Variants in GPT2 observed in about 807,000 individuals in gnomAD.
GPT2 encodes the protein alanine aminotransferase 2.
Under a neutral mutation model 56.9 loss-of-function variants are expected in GPT2, and 30 were observed. That is an observed-to-expected ratio of 0.53 (90% CI 0.39 to 0.72). The LOEUF (loss-of-function observed/expected upper bound fraction) is 0.72, where lower values mean the gene tolerates loss of function less well. Ranked by LOEUF, GPT2 falls within the 30% of genes least tolerant of loss-of-function variation. The pLI, the probability that GPT2 is intolerant of heterozygous loss-of-function variation, is 0.00. For missense variants in GPT2, 542 were observed against 703.4 expected (o/e 0.77, Z 2.60); for synonymous variants, 271 against 283.1 (o/e 0.96, Z 0.43).
rs1465796687 is a variant in GPT2 at position 46,916,574 on chromosome 16, G to A, written c.821-54G>A. ...ATTCTGGATGGGCTTCTGACCTGGG[G>A]ACAATTTAAACAGCATTACAACCGA... On this transcript the variant is annotated intron_variant, in intron 6 of 11. Transcript: ENST00000340124. 4 of 1,356,580 alleles carry A rather than the reference G, an allele frequency of 2.9e-6. No individual in the cohort carries two copies. In the Admixed American group the frequency reaches 6.7e-5, roughly 23 times the overall value. The allele number at this position is 1,356,580 out of a possible 1,614,324, so 84.0% of individuals were successfully genotyped here.
At chr16:46,892,799 T>C (rs1437159731) in intron 2 of GPT2, among the ~76,000 whole-genome samples, 1 of 152,202 alleles carries the variant, frequency 6.6e-6, no homozygotes, top group African/African-American at 2.4e-5. Flanking sequence ...ATGAATTCCT[T>C]ATTTGCATAT....
chr16:46,911,579 T>C (rs924638566), intron 6 of GPT2, among the ~76,000 whole-genome samples: 4 of 152,198 alleles, frequency 2.6e-5, no homozygotes, highest in East Asian at 1.9e-4. Context: ...CTTTGAAAAA[T>C]GTCAAAATTG....
chr16:46,887,221 C>T (rs1382046410), intron 2 of GPT2, among the ~76,000 whole-genome samples: 4 of 152,158 alleles, frequency 2.6e-5, no homozygotes, highest in African/African-American at 7.2e-5. Flanking sequence ...GTAATCTCAG[C>T]ACTTTGGGAA....
At chr16:46,918,840 C>T (rs867614631) in intron 8 of GPT2, 83 bp downstream of exon 8, 1 of 1,532,314 alleles carries the variant, frequency 6.5e-7, no homozygotes, top group Non-Finnish European at 8.9e-7. Context: ...CCCCGTGGTC[C>T]ACCCACTTGG....
intron 2 of GPT2, among the ~76,000 whole-genome samples, chr16:46,889,322 G>A (rs575537450): frequency 7.1e-6 from 1 of 141,344 alleles, no homozygotes; most frequent in African/African-American, 2.6e-5. Context: ...CAGTGGTGCA[G>A]TTATAGCTCA....
chr16:46,900,704 CA>C lies in GPT2; in HGVS notation c.359del (p.Asn120ThrfsTer64), dbSNP rs770431761. ...LRQVMALCTY[P>X]NLLDSPSFPE... is the part of the protein sequence containing the mutation. The stretch of plus-strand genomic sequence containing the variant: ...CAGGTGATGGCACTATGCACCTACC[CA>C]AACCTGCTGGACAGCCCCAGCTTCC... On this transcript the variant is annotated frameshift_variant, in exon 4 of 12. Transcript: ENST00000340124. LOFTEE classifies it high-confidence loss of function. 2 of 1,614,016 alleles carry C rather than the reference CA, an allele frequency of 1.2e-6. No homozygotes were observed. The highest frequency in any genetic ancestry group is 2.2e-5 in the South Asian group (2 of 91,072).
At chr16:46,901,202 G>A (rs1960810684) in intron 4 of GPT2, among the ~76,000 whole-genome samples, 1 of 152,196 alleles carries the variant, frequency 6.6e-6, no homozygotes, top group South Asian at 2.1e-4. Context: ...CTGTCTTGGA[G>A]ATGGCAGCCA....
chr16:46,885,614 T>A, intron 2 of GPT2: 1 of 875,804 alleles, frequency 1.1e-6, no homozygotes, highest in Non-Finnish European at 1.4e-6. Context: ...CGGGCTTTGG[T>A]AAGGGGGCCC....
Position 46,900,001 on chromosome 16 carries a change from T to A in GPT2, c.334-681T>A, listed in dbSNP as rs376590861. Among the ~76,000 whole-genome samples the A allele has an allele frequency of 2.6e-4, 39 of 152,296 alleles. 1 individual carries two copies. The South Asian group carries it at 6.8e-3, about 27-fold the overall frequency. ...GCAGATGAAGAGAAGCTGGGCTCCA[T>A]GAAGCCAGGCGCTCGCTGAAGTCAC... is the stretch of plus-strand genomic sequence containing the variant. On this transcript the variant is annotated intron_variant, in intron 3 of 11. Coordinates refer to ENST00000340124, the MANE Select transcript of GPT2 (RefSeq NM_133443.4).
At chr16:46,928,673 G>A (rs1961466541) in intron 11 of GPT2, among the ~76,000 whole-genome samples, 1 of 151,626 alleles carries the variant, frequency 6.6e-6, no homozygotes, top group South Asian at 2.1e-4. Context: ...ATATGTCTTA[G>A]CCTAAATGCT....
At chr16:46,905,059 CTT>C (rs747352054) in intron 4 of GPT2, among the ~76,000 whole-genome samples, 48 of 134,400 alleles carry the variant, frequency 3.6e-4, no homozygotes, top group Non-Finnish European at 4.0e-4. Context: ...CAGTTCAGGG[CTT>C]TTTTTTTTTT....
intron 2 of GPT2, among the ~76,000 whole-genome samples, chr16:46,887,408 C>T (rs890824274): frequency 6.6e-6 from 1 of 152,154 alleles, no homozygotes; most frequent in African/African-American, 2.4e-5. Flanking sequence ...GTGGAGGTGG[C>T]AGTGAGCCGA....
In GPT2 at chr16:46,929,151, C is replaced by A; in HGVS notation, c.*154C>A. The A allele has an allele frequency of 1.6e-6, 1 of 632,664 alleles. No individual in the cohort carries two copies. Among genetic ancestry groups the A allele is most frequent in the Non-Finnish European group, 2.8e-6 (1 of 351,580 alleles). The allele number at this position is 632,664 out of a possible 1,614,324, so 39.2% of individuals were successfully genotyped here. On this transcript the variant is annotated 3_prime_UTR_variant, in exon 12 of 12. Transcript: ENST00000340124. ...GCCCCTGGAGACGTCTTTCTTTGTG[C>A]CTTGATGTTGAGAGCGCCTCTCTTT...
At chr16:46,918,842 C>T (rs1398957403) in intron 8 of GPT2, 85 bp downstream of exon 8, 4 of 1,513,000 alleles carry the variant, frequency 2.6e-6, no homozygotes, top group African/African-American at 1.4e-5. Flanking sequence ...CCGTGGTCCA[C>T]CCACTTGGAT....
rs578181101 is a variant in GPT2, at chr16:46,912,906, AAGG to A, written c.820+2984_820+2986del. ...GTGAACAGTCGTGATCTGTCACTCA[AAGG>A]AGGATGCTCAGTCACCAGCTACAGA... On this transcript the variant is annotated intron_variant, in intron 6 of 11. Coordinates refer to ENST00000340124, the MANE Select transcript of GPT2 (RefSeq NM_133443.4). 7.9e-5 allele frequency among the ~76,000 whole-genome samples: 12 copies of A among 152,296 alleles called. No individual in the cohort carries two copies. The South Asian group carries it at 2.1e-3, about 26-fold the overall frequency.
At chr16:46,891,531 G>C (rs148602898) in intron 2 of GPT2, among the ~76,000 whole-genome samples, 1 of 152,046 alleles carries the variant, frequency 6.6e-6, no homozygotes, top group African/African-American at 2.4e-5. Flanking sequence ...AGCCTCCCGA[G>C]TAGCTGGGAT....
At chr16:46,897,811 C>G in intron 3 of GPT2, 74 bp downstream of exon 3, 1 of 1,283,546 alleles carries the variant, frequency 7.8e-7, no homozygotes, top group Non-Finnish European at 1.1e-6. Flanking sequence ...AGGGGCCGTC[C>G]TCTGCCCCCT....
At chr16:46,884,612 C>A (rs539295563) in intron 1 of GPT2, 82 bp from the exon 2 acceptor site, 2 of 1,279,800 alleles carry the variant, frequency 1.6e-6, no homozygotes, top group African/African-American at 1.5e-5. Context: ...GCTGAAAGAG[C>A]CCTTGGCTGG....
chr16:46,892,634 A>T (rs1229047992), intron 2 of GPT2, among the ~76,000 whole-genome samples: 2 of 152,178 alleles, frequency 1.3e-5, no homozygotes, highest in African/African-American at 4.8e-5. Context: ...CAAGTATGAG[A>T]TGATATCTCA....
Sources: gnomAD v4.1 joint callset for allele counts (sites outside exome capture counted in the v4.1 genomes callset) on GRCh38, gnomAD v4.1.1 for gene constraint, MANE v1.5 for transcripts, NCBI Gene and HGNC (gene_info 2026-07-23, HGNC 2026-07-21) for gene names.